The following GSE1 variants were observed in gnomAD, a reference collection of about 807,000 sequenced individuals.
The protein encoded by GSE1 is genetic suppressor element 1.
GSE1 carries 32 observed loss-of-function variants against 112.6 expected under a neutral mutation model. The ratio of observed to expected loss-of-function variants is 0.28; its 90% confidence interval spans 0.21 to 0.38. The LOEUF is 0.38. Among genes scored for constraint, GSE1 ranks in the 10% least tolerant of loss-of-function variants. GSE1 has a pLI of 1.00. For synonymous variants in GSE1, 1,115 were observed against 735.6 expected (o/e 1.52, Z -8.35); for missense variants, 2,348 against 1,699.2 (o/e 1.38, Z -6.71).
chr16:85,640,567 C>T (rs1316190759), intron 2 of GSE1, among the ~76,000 whole-genome samples: 3 of 152,164 alleles, frequency 2.0e-5, no homozygotes, highest in East Asian at 1.9e-4. Context: ...CACCTGAAAC[C>T]GAGATCCCAC....
intron 2 of GSE1, among the ~76,000 whole-genome samples, chr16:85,519,664 A>T (rs528533193): frequency 2.0e-5 from 3 of 148,626 alleles, no homozygotes; most frequent in African/African-American, 7.4e-5. Context: ...CACCACCATC[A>T]CCACAGTCTC....
chr16:85,652,557 C>CGGT (rs1555563169), intron 3 of GSE1, among the ~76,000 whole-genome samples: 1 of 152,246 alleles, frequency 6.6e-6, no homozygotes, highest in African/African-American at 2.4e-5. Flanking sequence ...GCGGCGGCGG[C>CGGT]GGCGGCGGCT....
rs193034442 is a variant in GSE1, at chr16:85,630,287, A to G, written c.8-3627A>G. Among the ~76,000 whole-genome samples, 513 of 152,314 alleles carry G rather than the reference A, an allele frequency of 3.4e-3. 1 individual carries two copies. Among genetic ancestry groups the G allele is most frequent in the African/African-American group, 0.012 (489 of 41,564 alleles). On this transcript the variant is annotated intron_variant, in intron 1 of 15. Coordinates refer to ENST00000253458, the MANE Select transcript of GSE1 (RefSeq NM_014615.5). ...AGAAGTGAGTTGCTCAGTCTGGCCC[A>G]CGCTTGGGGAAGGGAATTGGTCTCT... is the stretch of plus-strand genomic sequence containing the variant.
chr16:85,430,622 G>T, intron 2 of GSE1, among the ~76,000 whole-genome samples: 1 of 152,242 alleles, frequency 6.6e-6, no homozygotes, highest in East Asian at 1.9e-4. Flanking sequence ...CTTGGGAGCT[G>T]CATGGAACGG....
chr16:85,603,947 C>G (rs2151493593), intron 1 of GSE1, among the ~76,000 whole-genome samples: 2 of 152,182 alleles, frequency 1.3e-5, no homozygotes, highest in South Asian at 4.1e-4. Context: ...TTCTTTTTTT[C>G]TTTTTAATTA....
chr16:85,302,979 T>C (rs2151464459), intron 1 of GSE1, among the ~76,000 whole-genome samples: 1 of 152,200 alleles, frequency 6.6e-6, no homozygotes, highest in South Asian at 2.1e-4. Context: ...CCACTGCTAG[T>C]GATGAGCAGA....
intron 1 of GSE1, among the ~76,000 whole-genome samples, chr16:85,256,474 G>A (rs1036795980): frequency 1.3e-5 from 2 of 152,244 alleles, no homozygotes; most frequent in African/African-American, 4.8e-5. Context: ...GTGCAGATGG[G>A]GTAGCTGAGG....
intron 2 of GSE1, among the ~76,000 whole-genome samples, chr16:85,532,748 G>C (rs1314611900): frequency 2.0e-5 from 3 of 152,232 alleles, no homozygotes; most frequent in African/African-American, 7.2e-5. Context: ...GTCTGCTTTG[G>C]AGAATTCTGG....
chr16:85,643,931 G>A (rs527792545), intron 2 of GSE1, among the ~76,000 whole-genome samples: 40 of 151,992 alleles, frequency 2.6e-4, no homozygotes, highest in Admixed American at 4.6e-4. Flanking sequence ...TTCCTTTTTC[G>A]GCTCCACAGC....
intron 2 of GSE1, among the ~76,000 whole-genome samples, chr16:85,445,485 T>C (rs769188048): frequency 3.9e-5 from 6 of 152,162 alleles, no homozygotes; most frequent in Non-Finnish European, 8.8e-5. Flanking sequence ...CAGGCCCAGA[T>C]TCTGTTGAGC....
chr16:85,517,585 C>T (rs754123571), intron 2 of GSE1, among the ~76,000 whole-genome samples: 9 of 145,088 alleles, frequency 6.2e-5, no homozygotes, highest in Non-Finnish European at 1.0e-4. Context: ...CCAACCGGCC[C>T]CTGAATCCCA....
At chr16:85,562,542 G>A (rs527663709) in intron 1 of GSE1, among the ~76,000 whole-genome samples, 48 of 152,342 alleles carry the variant, frequency 3.2e-4, no homozygotes, top group South Asian at 2.1e-3. Flanking sequence ...CCTGGATTCC[G>A]GGGCAAGAAT....
At chr16:85,625,963 C>A (rs2049040827) in intron 1 of GSE1, among the ~76,000 whole-genome samples, 1 of 152,090 alleles carries the variant, frequency 6.6e-6, no homozygotes, top group Admixed American at 6.5e-5. Context: ...TTGCCCCCGC[C>A]CACCTGCTTG....
intron 2 of GSE1, chr16:85,357,764 G>A (rs2046980530): frequency 2.0e-6 from 1 of 507,776 alleles, no homozygotes; most frequent in Non-Finnish European, 3.2e-6. Flanking sequence ...CGGCATCCTA[G>A]GGGAGAGACC....
chr16:85,434,595 A>T (rs1015945550), intron 2 of GSE1, among the ~76,000 whole-genome samples: 2 of 152,094 alleles, frequency 1.3e-5, no homozygotes, highest in Admixed American at 6.6e-5. Flanking sequence ...AGACAGGCGG[A>T]TCACTTGAGG....
At chr16:85,493,304 T>C (rs2051068157) in intron 2 of GSE1, among the ~76,000 whole-genome samples, 1 of 151,854 alleles carries the variant, frequency 6.6e-6, no homozygotes, top group Non-Finnish European at 1.5e-5. Flanking sequence ...TAATATTAGC[T>C]GGGCAGGGTG....
intron 2 of GSE1, among the ~76,000 whole-genome samples, chr16:85,547,978 AG>A (rs552110716): frequency 6.6e-6 from 1 of 151,974 alleles, no homozygotes; most frequent in Non-Finnish European, 1.5e-5. Flanking sequence ...CTGTAATCCC[AG>A]GACTTTGGGA....
chr16:85,553,352 C>G (rs1357168177), upstream of GSE1, among the ~76,000 whole-genome samples: 1 of 151,196 alleles, frequency 6.6e-6, no homozygotes, highest in Non-Finnish European at 1.5e-5. Context: ...CGCGCCGCCA[C>G]GCAGCTCCGG....
intron 1 of GSE1, among the ~76,000 whole-genome samples, chr16:85,226,635 AG>A (rs1226030340): frequency 6.6e-6 from 1 of 151,944 alleles, no homozygotes; most frequent in African/African-American, 2.4e-5. Context: ...TGCTGTTGTG[AG>A]GTTTAGATAG....
Sources: allele counts gnomAD v4.1 joint callset (sites outside exome capture counted in the v4.1 genomes callset), GRCh38; gene constraint gnomAD v4.1.1; transcripts MANE v1.5; gene names NCBI Gene and HGNC (gene_info 2026-07-23, HGNC 2026-07-21).